EPHA6: variants seen among roughly 807,000 people sequenced by gnomAD.
The protein encoded by EPHA6 is EPH receptor A6, also known as ephrin type-A receptor 6.
EPHA6 carries 50 observed loss-of-function variants against 112.0 expected under a neutral mutation model. The observed-to-expected ratio is 0.45, with a 90% CI of 0.36 to 0.56. The LOEUF (loss-of-function observed/expected upper bound fraction) is 0.56, where lower values mean the gene tolerates loss of function less well. Among genes scored for constraint, EPHA6 ranks in the 20% least tolerant of loss-of-function variants. The pLI, the probability that EPHA6 is intolerant of heterozygous loss-of-function variation, is 0.00. For synonymous variants in EPHA6, 529 were observed against 490.7 expected, an observed-to-expected ratio of 1.08 and a Z score of -1.03; for missense variants, 1,280 against 1,417.4, an observed-to-expected ratio of 0.90 and a Z score of 1.56.
At chr3:97,217,849 T>C (rs887346120) in intron 3 of EPHA6, among the ~76,000 whole-genome samples, 88 of 152,224 alleles carry the variant, frequency 5.8e-4, no homozygotes, top group Non-Finnish European at 2.2e-4. Context: ...AATGCTAATC[T>C]TAGTTTGGAC....
chr3:97,635,392 A>T (rs1259565380), intron 13 of EPHA6, among the ~76,000 whole-genome samples: 5 of 152,146 alleles, frequency 3.3e-5, no homozygotes, highest in African/African-American at 1.2e-4. Context: ...AATAACTTGC[A>T]TAATAGCCAA....
chr3:96,928,382 C>T (rs9858967), intron 2 of EPHA6, among the ~76,000 whole-genome samples: 2,269 of 152,176 alleles, frequency 0.015, 24 homozygotes, highest in Non-Finnish European at 0.024. Context: ...ATTATTTACG[C>T]GAAAGTCATT....
chr3:97,089,332 GT>G (rs530871647), intron 3 of EPHA6, among the ~76,000 whole-genome samples: 149 of 152,114 alleles, frequency 9.8e-4, no homozygotes, highest in African/African-American at 3.3e-3. Flanking sequence ...CCTTTTCACA[GT>G]TTGCTTTTTT....
At chr3:97,438,063 A>G (rs971910021) in intron 6 of EPHA6, among the ~76,000 whole-genome samples, 2 of 152,188 alleles carry the variant, frequency 1.3e-5, no homozygotes, top group Non-Finnish European at 2.9e-5. Context: ...TTTAACAAAT[A>G]CTATTAAGAA....
intron 10 of EPHA6, among the ~76,000 whole-genome samples, chr3:97,497,104 C>T (rs1178306298): frequency 6.6e-6 from 1 of 152,150 alleles, no homozygotes; most frequent in Non-Finnish European, 1.5e-5. Context: ...TAACATGGAA[C>T]CCTAGAATGG....
chr3:97,333,321 A>G (rs1423554619), intron 5 of EPHA6, among the ~76,000 whole-genome samples: 1 of 151,898 alleles, frequency 6.6e-6, no homozygotes, highest in East Asian at 1.9e-4. Flanking sequence ...CGTGTATCCT[A>G]CCACTTTGAT....
At chr3:97,023,826 C>G (rs995991301) in intron 3 of EPHA6, among the ~76,000 whole-genome samples, 1 of 152,014 alleles carries the variant, frequency 6.6e-6, no homozygotes, top group Non-Finnish European at 1.5e-5. Flanking sequence ...AAGAATCATC[C>G]GTAAGATTAG....
chr3:96,882,249 TGA>T (rs2037357584), intron 2 of EPHA6, among the ~76,000 whole-genome samples: 1 of 152,206 alleles, frequency 6.6e-6, no homozygotes, highest in Non-Finnish European at 1.5e-5. Flanking sequence ...AGGTTCTCCA[TGA>T]GAGCCCTGCC....
intron 14 of EPHA6, among the ~76,000 whole-genome samples, chr3:97,645,505 G>A (rs2094051638): frequency 7.6e-6 from 1 of 130,952 alleles, no homozygotes; most frequent in African/African-American, 2.9e-5. Flanking sequence ...TCACACTCTG[G>A]GGACTGTGGT....
chr3:97,500,080 A>G (rs1036680952), intron 10 of EPHA6, among the ~76,000 whole-genome samples: 1 of 152,118 alleles, frequency 6.6e-6, no homozygotes, highest in Non-Finnish European at 1.5e-5. Context: ...TTTCCTGTGT[A>G]AATTTTGTTT....
At position 96,891,932 on chromosome 3, in the gene EPHA6, T is replaced by C. The variant is rs566697345; in HGVS notation, c.450+25043T>C. Among the ~76,000 whole-genome samples the C allele has an allele frequency of 5.9e-5, 9 of 152,326 alleles. No individual in the cohort carries two copies. In the South Asian group the frequency reaches 1.9e-3, roughly 32 times the overall value. On this transcript the variant is annotated intron_variant, in intron 2 of 17. Transcript: ENST00000389672. ...TCATCCATAAACACAGCTGAAGTGGTCCTTGGAGAGTTATTCTTGTCAGTT... is the reference window on the plus strand; with the variant it reads ...TCATCCATAAACACAGCTGAAGTGGCCCTTGGAGAGTTATTCTTGTCAGTT...
chr3:97,331,901 A>G (rs937002042), intron 5 of EPHA6, among the ~76,000 whole-genome samples: 1 of 152,180 alleles, frequency 6.6e-6, no homozygotes, highest in African/African-American at 2.4e-5. Context: ...TCCCTAACTC[A>G]TTTTATGAGG....
At chr3:97,000,268 C>G (rs2043598058) in intron 3 of EPHA6, among the ~76,000 whole-genome samples, 1 of 128,654 alleles carries the variant, frequency 7.8e-6, no homozygotes, top group African/African-American at 3.5e-5. Flanking sequence ...TATAAACACA[C>G]ACACACACAC....
chr3:97,321,102 G>A (rs2082099491), intron 5 of EPHA6, among the ~76,000 whole-genome samples: 1 of 151,850 alleles, frequency 6.6e-6, no homozygotes, highest in Admixed American at 6.6e-5. Flanking sequence ...AGGTTTAAGG[G>A]TATGCTTTTA....
At chr3:97,203,372 C>T (rs1356476745) in intron 3 of EPHA6, among the ~76,000 whole-genome samples, 3 of 152,030 alleles carry the variant, frequency 2.0e-5, no homozygotes, top group East Asian at 3.9e-4. Context: ...ACTCACATAG[C>T]GATTTGCCTG....
intron 5 of EPHA6, among the ~76,000 whole-genome samples, chr3:97,261,607 T>C (rs2079506015): frequency 6.6e-6 from 1 of 152,202 alleles, no homozygotes; most frequent in Non-Finnish European, 1.5e-5. Flanking sequence ...CAGCTTTTTC[T>C]TTAAGTGACT....
intron 12 of EPHA6, among the ~76,000 whole-genome samples, chr3:97,602,948 C>T (rs941049749): frequency 3.1e-4 from 47 of 151,822 alleles, no homozygotes; most frequent in Admixed American, 7.9e-4. Context: ...AGTAATTCAA[C>T]TATTAATTAT....
intron 11 of EPHA6, among the ~76,000 whole-genome samples, chr3:97,592,167 T>C (rs1235819778): frequency 1.3e-5 from 2 of 152,250 alleles, no homozygotes; most frequent in Non-Finnish European, 2.9e-5. Context: ...TTTTCCTTAT[T>C]TTAAGCACTA....
At chr3:97,706,728 C>T (rs2033696216) in intron 14 of EPHA6, among the ~76,000 whole-genome samples, 1 of 145,806 alleles carries the variant, frequency 6.9e-6, no homozygotes, top group Non-Finnish European at 1.5e-5. Context: ...TACCTCTATT[C>T]TGAAGGTTTT....
Sources: allele counts gnomAD v4.1 joint callset (sites outside exome capture counted in the v4.1 genomes callset), GRCh38; gene constraint gnomAD v4.1.1; transcripts MANE v1.5; gene names NCBI Gene and HGNC (gene_info 2026-07-23, HGNC 2026-07-21).